Variants in DYM observed in about 807,000 individuals in gnomAD.
DYM encodes dymeclin.
A neutral mutation model predicts 93.1 loss-of-function variants in DYM; 78 were observed. The ratio of observed to expected loss-of-function variants is 0.84; its 90% confidence interval spans 0.70 to 1.01. DYM has a LOEUF of 1.01. Ranked by LOEUF, DYM falls within the 50% of genes least tolerant of loss-of-function variation. The pLI is 0.00. For missense variants in DYM, 789 were observed against 845.0 expected (o/e 0.93, Z 0.82); for synonymous variants, 321 against 319.7 (o/e 1.00, Z -0.04).
At chr18:49,394,530 T>C (rs539584143) in intron 2 of DYM, among the ~76,000 whole-genome samples, 19 of 152,316 alleles carry the variant, frequency 1.2e-4, no homozygotes, top group South Asian at 8.3e-4. Flanking sequence ...TGTGTTGCCA[T>C]AGAAATTTTA....
intron 5 of DYM, among the ~76,000 whole-genome samples, chr18:49,363,866 A>G (rs2066274765): frequency 6.6e-6 from 1 of 152,222 alleles, no homozygotes; most frequent in Non-Finnish European, 1.5e-5. Flanking sequence ...CCCCTATCCC[A>G]AACTACTACA....
chr18:49,284,115 G>A (rs2095059566), intron 9 of DYM, among the ~76,000 whole-genome samples: 1 of 152,090 alleles, frequency 6.6e-6, no homozygotes, highest in Admixed American at 6.5e-5. Flanking sequence ...AAAATTGAAG[G>A]AAAGTAACAA....
intron 1 of DYM, among the ~76,000 whole-genome samples, chr18:49,451,267 A>G (rs1037722876): frequency 3.3e-5 from 5 of 152,330 alleles, no homozygotes; most frequent in African/African-American, 1.2e-4. Flanking sequence ...AGTTGTTTGC[A>G]TCAGTGAAAT....
chr18:49,170,430 A>G (rs1178835129), intron 14 of DYM, among the ~76,000 whole-genome samples: 2 of 152,112 alleles, frequency 1.3e-5, no homozygotes, highest in Non-Finnish European at 2.9e-5. Context: ...GGCTATTTGC[A>G]TCAGCTGCAA....
chr18:49,215,698 C>T (rs2093000285), intron 13 of DYM, among the ~76,000 whole-genome samples: 1 of 152,184 alleles, frequency 6.6e-6, no homozygotes, highest in Admixed American at 6.5e-5. Flanking sequence ...AAAACAAATT[C>T]CCTCAAACTG....
Position 49,041,424 on chromosome 18 carries a change from C to T in DYM, c.*2631G>A, listed in dbSNP as rs901625119. On this transcript the variant is annotated 3_prime_UTR_variant, in exon 18 of 18. Coordinates refer to ENST00000675505, the MANE Select transcript of DYM (RefSeq NM_001353214.3). ...GTTGCATCATTACACATTTTTACTT[C>T]GTGTAAAAATTTCTAAGCAAACTAA... The T allele has an allele frequency of 2.0e-5, 3 of 152,128 alleles. No individual in the cohort carries two copies. Among genetic ancestry groups the T allele is most frequent in the Admixed American group, 1.3e-4 (2 of 15,280 alleles). 9.4% of individuals were successfully genotyped at this position (152,128 alleles called of 1,614,324 possible). A position where few individuals can be genotyped will look rare whatever the true frequency, so the allele number is the denominator to read the frequency against.
intron 15 of DYM, among the ~76,000 whole-genome samples, chr18:49,162,903 T>C (rs893089409): frequency 6.6e-6 from 1 of 152,138 alleles, no homozygotes; most frequent in African/African-American, 2.4e-5. Context: ...ACCTGGATGG[T>C]AGAAAGCAGC....
At chr18:49,418,920 A>G (rs2073318052) in intron 2 of DYM, among the ~76,000 whole-genome samples, 1 of 152,070 alleles carries the variant, frequency 6.6e-6, no homozygotes, top group Admixed American at 6.5e-5. Context: ...AACCTCTATC[A>G]TGTAAACTCA....
At chr18:49,245,855 G>A (rs973560988) in intron 13 of DYM, among the ~76,000 whole-genome samples, 8 of 152,128 alleles carry the variant, frequency 5.3e-5, no homozygotes, top group South Asian at 2.1e-4. Context: ...TGTCAACCCC[G>A]GCGGCCCAGC....
intron 15 of DYM, among the ~76,000 whole-genome samples, chr18:49,148,354 A>C (rs1475933053): frequency 6.6e-6 from 1 of 151,832 alleles, no homozygotes; most frequent in Non-Finnish European, 1.5e-5. Context: ...TTAAAAAAAG[A>C]ACAAAAAAAA....
chr18:49,320,138 T>C (rs1165655885), intron 8 of DYM, among the ~76,000 whole-genome samples: 1 of 152,184 alleles, frequency 6.6e-6, no homozygotes, highest in East Asian at 1.9e-4. Flanking sequence ...CCCCACATTC[T>C]TCATATACTG....
intron 2 of DYM, among the ~76,000 whole-genome samples, chr18:49,404,221 T>C (rs370348962): frequency 2.6e-5 from 4 of 152,282 alleles, no homozygotes; most frequent in African/African-American, 9.6e-5. Context: ...TTGGCCAGGC[T>C]GGTCTCGAAC....
At chr18:49,258,648 G>T (rs2094433061) in intron 11 of DYM, among the ~76,000 whole-genome samples, 155 bp from the exon 12 acceptor site, 1 of 152,126 alleles carries the variant, frequency 6.6e-6, no homozygotes, top group Admixed American at 6.6e-5. Context: ...GATCTTCAAG[G>T]AGAGATGCTC....
chr18:49,097,390 T>C lies in DYM; in HGVS notation c.2025+12A>G, dbSNP rs1246961241. The C allele has an allele frequency of 1.2e-6, 2 of 1,613,230 alleles. No homozygotes were observed. The highest frequency in any genetic ancestry group is 2.7e-5 in the African/African-American group (2 of 75,016). On this transcript the variant is annotated intron_variant, in intron 17 of 17. Coordinates refer to ENST00000675505, the MANE Select transcript of DYM (RefSeq NM_001353214.3). Reference sequence around the variant, plus strand: ...CGGCAGTGTCAAGTGGACATTTCTTTAGCCTTCTTACCTTCAGTCTGTCTT... The same window carrying C: ...CGGCAGTGTCAAGTGGACATTTCTTCAGCCTTCTTACCTTCAGTCTGTCTT...
chr18:49,182,370 T>A (rs2090006677), intron 14 of DYM, among the ~76,000 whole-genome samples: 1 of 152,192 alleles, frequency 6.6e-6, no homozygotes, highest in South Asian at 2.1e-4. Flanking sequence ...CTTTTTCTAT[T>A]AGTTAATAAC....
intron 17 of DYM, among the ~76,000 whole-genome samples, chr18:49,062,094 G>C (rs962838385): frequency 1.3e-5 from 2 of 152,180 alleles, no homozygotes; most frequent in Non-Finnish European, 2.9e-5. Flanking sequence ...TAGCCTCATA[G>C]CCCAGATTAA....
intron 17 of DYM, among the ~76,000 whole-genome samples, chr18:49,080,269 C>T (rs2077763181): frequency 7.5e-6 from 1 of 133,472 alleles, no homozygotes; most frequent in Non-Finnish European, 1.6e-5. Context: ...CTCCTCACTT[C>T]CCAGTAGGGG....
chr18:49,236,147 G>A (rs1312079265), intron 13 of DYM, among the ~76,000 whole-genome samples: 1 of 152,074 alleles, frequency 6.6e-6, no homozygotes, highest in Non-Finnish European at 1.5e-5. Flanking sequence ...CCTCTTATAT[G>A]AGAATGGCCT....
chr18:49,397,093 G>A (rs1366998966), intron 2 of DYM, among the ~76,000 whole-genome samples: 1 of 152,172 alleles, frequency 6.6e-6, no homozygotes, highest in Non-Finnish European at 1.5e-5. Context: ...AAGTGTTTGA[G>A]GTGATGGATA....
Sources: gnomAD v4.1 joint callset for allele counts (sites outside exome capture counted in the v4.1 genomes callset) on GRCh38, gnomAD v4.1.1 for gene constraint, MANE v1.5 for transcripts, NCBI Gene and HGNC (gene_info 2026-07-23, HGNC 2026-07-21) for gene names.